PEAK1: variants seen among roughly 807,000 people sequenced by gnomAD.
PEAK1 encodes inactive tyrosine-protein kinase PEAK1.
A neutral mutation model predicts 124.7 loss-of-function variants in PEAK1; 54 were observed. That is an observed-to-expected ratio of 0.43 (90% CI 0.35 to 0.54). PEAK1 has a LOEUF of 0.54. Ranked by LOEUF, PEAK1 falls within the 20% of genes least tolerant of loss-of-function variation. The pLI is 0.01. For missense variants in PEAK1, 2,046 were observed against 2,134.5 expected, an observed-to-expected ratio of 0.96 and a Z score of 0.82; for synonymous variants, 719 against 760.0, an observed-to-expected ratio of 0.95 and a Z score of 0.89.
chr15:77,225,468 C>G (rs1030459551), intron 6 of PEAK1, among the ~76,000 whole-genome samples: 2 of 151,512 alleles, frequency 1.3e-5, no homozygotes, highest in Non-Finnish European at 3.0e-5. Context: ...TGCTTGGAGT[C>G]AAAGATCGAT....
At chr15:77,393,268 C>T (rs1254477261) in intron 1 of PEAK1, among the ~76,000 whole-genome samples, 1 of 152,180 alleles carries the variant, frequency 6.6e-6, no homozygotes, top group Non-Finnish European at 1.5e-5. Context: ...TTGGGGAGTA[C>T]ACAACCTAGT....
At position 77,418,117 on chromosome 15, in the gene PEAK1, A is replaced by G. The variant is rs1396286999; in HGVS notation, c.-666+1889T>C. 6.1e-6 allele frequency: 6 copies of G among 984,186 alleles called. No individual in the cohort carries two copies. In the African/African-American group the frequency reaches 1.0e-4, roughly 17 times the overall value. 61.0% of individuals were successfully genotyped at this position (984,186 alleles called of 1,614,324 possible). A position where few individuals can be genotyped will look rare whatever the true frequency, so the allele number is the denominator to read the frequency against. On this transcript the variant is annotated intron_variant, in intron 1 of 9. Transcript: ENST00000682557. Reference sequence around the variant, plus strand: ...GAATTTTGAATGTTAATAGGCTACAAACATTATTGTGAAAGTTTCTGTATA... The same window carrying G: ...GAATTTTGAATGTTAATAGGCTACAGACATTATTGTGAAAGTTTCTGTATA...
intron 2 of PEAK1, among the ~76,000 whole-genome samples, chr15:77,304,069 C>CAT (rs915136615): frequency 1.3e-5 from 2 of 152,174 alleles, no homozygotes; most frequent in African/African-American, 4.8e-5. Context: ...TCACCAACAC[C>CAT]ATAGTATCTT....
intron 9 of PEAK1, among the ~76,000 whole-genome samples, chr15:77,123,858 C>A (rs2052139427): frequency 6.6e-6 from 1 of 151,864 alleles, no homozygotes. Flanking sequence ...CAGAGACAGA[C>A]AATGCAATCT....
intron 6 of PEAK1, among the ~76,000 whole-genome samples, chr15:77,228,117 TTTA>T (rs757426498): frequency 7.2e-5 from 11 of 151,768 alleles, no homozygotes; most frequent in East Asian, 5.8e-4. Context: ...CTATTTTTTA[TTTA>T]TTATTATTAT....
rs1055519665 is a variant in PEAK1 at position 77,180,057 on chromosome 15, T to C, written c.1870A>G (p.Ile624Val). The C allele has an allele frequency of 6.2e-7, 1 of 1,614,090 alleles. No individual in the cohort carries two copies. Among genetic ancestry groups the C allele is most frequent in the Non-Finnish European group, 8.5e-7 (1 of 1,179,928 alleles). Residue 624 changes from isoleucine (I) to valine (V), a missense_variant, in exon 7 of 10, where the codon ATC becomes GTC. Physicochemically the swap from Ile to Val is conservative, Grantham distance 29 (BLOSUM62 3). Transcript: ENST00000682557. ...GGATTGATAACAATGGGAACTTTGA[T>C]AGCATTTTTGGAACTCCGAGCATAA... ...PTYARSSKNA[I>V]KVPIVINPNA...
intron 2 of PEAK1, among the ~76,000 whole-genome samples, chr15:77,295,822 A>G (rs1223544556): frequency 6.6e-6 from 1 of 152,234 alleles, no homozygotes; most frequent in Non-Finnish European, 1.5e-5. Flanking sequence ...ATTTTTGTTT[A>G]TAAACGAGGG....
intron 1 of PEAK1, among the ~76,000 whole-genome samples, chr15:77,416,124 T>C (rs2072867372): frequency 6.6e-6 from 1 of 152,230 alleles, no homozygotes; most frequent in African/African-American, 2.4e-5. Context: ...GTCTTTATCT[T>C]ACTTTTCCTT....
intron 5 of PEAK1, chr15:77,278,897 A>T: frequency 4.0e-6 from 1 of 247,348 alleles, no homozygotes; most frequent in South Asian, 4.5e-5. Flanking sequence ...CAATGGCATC[A>T]TCTCTGCTCA....
Position 77,114,506 on chromosome 15 carries a change from G to A in PEAK1, c.4891C>T (p.Arg1631Cys), listed in dbSNP as rs567408839. 2.0e-5 allele frequency: 32 copies of A among 1,613,926 alleles called. No individual in the cohort carries two copies. The highest frequency in any genetic ancestry group is 2.4e-5 in the Non-Finnish European group (28 of 1,179,980). Residue 1631 changes from arginine (R) to cysteine (C), a missense_variant, in exon 10 of 10, where the codon CGC (arginine) becomes TGC (cysteine). Arg to Cys is a radical substitution (Grantham distance 180). Coordinates refer to ENST00000682557, the MANE Select transcript of PEAK1 (RefSeq NM_001385026.1). ...TGCAGACCCCGGGAGTAGGGGGAGC[G>A]GAATGGGATGCGAGGCAGGTCTGCT... Reference protein sequence around the residue: ...TRADLPRIPFRSPYSRGLQQL... With the variant: ...TRADLPRIPFCSPYSRGLQQL...
chr15:77,154,519 C>T (rs1223128341), intron 8 of PEAK1, among the ~76,000 whole-genome samples: 2 of 152,122 alleles, frequency 1.3e-5, no homozygotes, highest in African/African-American at 4.8e-5. Flanking sequence ...TGAATTTGAT[C>T]CTGTCATTAT....
chr15:77,278,206 G>A (rs750883122), intron 5 of PEAK1, among the ~76,000 whole-genome samples: 10 of 152,026 alleles, frequency 6.6e-5, no homozygotes, highest in African/African-American at 2.4e-4. Flanking sequence ...CACTGGAAAC[G>A]AAATGTTCAT....
At chr15:77,106,432 C>G (rs1402794726), downstream of PEAK1, 1 of 152,166 alleles carries the variant, frequency 6.6e-6, no homozygotes, top group Non-Finnish European at 1.5e-5. Context: ...GGAGCAATCT[C>G]GGCTCACTGC....
intron 6 of PEAK1, among the ~76,000 whole-genome samples, chr15:77,247,325 T>C (rs1300668167): frequency 6.6e-6 from 1 of 152,118 alleles, no homozygotes. Context: ...ACATCAGCTC[T>C]ATGATAGTTA....
At chr15:77,348,301 A>G in intron 2 of PEAK1, 1 of 878,410 alleles carries the variant, frequency 1.1e-6, no homozygotes, top group Non-Finnish European at 1.4e-6. Context: ...CAGTAAAATG[A>G]GTCTCATGCC....
intron 1 of PEAK1, among the ~76,000 whole-genome samples, chr15:77,392,177 A>G (rs982568766): frequency 2.0e-5 from 3 of 152,234 alleles, no homozygotes; most frequent in Admixed American, 6.5e-5. Context: ...CATGCAGAAA[A>G]TGTTCGCAAA....
intron 5 of PEAK1, among the ~76,000 whole-genome samples, chr15:77,274,234 G>C (rs2062188496): frequency 6.6e-6 from 1 of 152,080 alleles, no homozygotes; most frequent in African/African-American, 2.4e-5. Context: ...TTCATGACCA[G>C]AACCCGAAAG....
intron 2 of PEAK1, among the ~76,000 whole-genome samples, chr15:77,319,102 T>C (rs2065046178): frequency 6.6e-6 from 1 of 152,174 alleles, no homozygotes; most frequent in African/African-American, 2.4e-5. Flanking sequence ...GATATAATAC[T>C]TTGAAATTTA....
intron 2 of PEAK1, among the ~76,000 whole-genome samples, chr15:77,289,982 T>C (rs1163815632): frequency 2.0e-5 from 3 of 152,214 alleles, no homozygotes; most frequent in Non-Finnish European, 4.4e-5. Flanking sequence ...TACTCTTTTT[T>C]TTTTGAGACG....
Sources: gnomAD v4.1 joint callset for allele counts (sites outside exome capture counted in the v4.1 genomes callset) on GRCh38, gnomAD v4.1.1 for gene constraint, MANE v1.5 for transcripts, NCBI Gene and HGNC (gene_info 2026-07-23, HGNC 2026-07-21) for gene names.